Variants in OPCML observed in about 807,000 individuals in gnomAD.
OPCML encodes opioid binding protein/cell adhesion molecule like, also known as opioid-binding protein/cell adhesion molecule.
OPCML carries 13 observed loss-of-function variants against 37.8 expected under a neutral mutation model. That is an observed-to-expected ratio of 0.34 (90% CI 0.22 to 0.55). The LOEUF (loss-of-function observed/expected upper bound fraction) is 0.55. OPCML is among the 20% of genes least tolerant of loss of function. The pLI is 0.91. For missense variants in OPCML, 341 were observed against 435.6 expected, an observed-to-expected ratio of 0.78 and a Z score of 1.93; for synonymous variants, 176 against 168.8, an observed-to-expected ratio of 1.04 and a Z score of -0.33.
chr11:133,067,239 G>T (rs1338644298), intron 1 of OPCML: 1 of 152,138 alleles, frequency 6.6e-6, no homozygotes, highest in East Asian at 1.9e-4. Context: ...GAGGCTCTAG[G>T]AGATGAAGTC....
chr11:132,465,278 C>T (rs2096116105), intron 4 of OPCML, among the ~76,000 whole-genome samples: 1 of 151,990 alleles, frequency 6.6e-6, no homozygotes, highest in African/African-American at 2.4e-5. Flanking sequence ...TGAAGGCTAC[C>T]CAATTGGTCT....
At chr11:132,925,663 AGTTTCTGGGTG>A (rs1343350519) in intron 2 of OPCML, among the ~76,000 whole-genome samples, 1 of 152,216 alleles carries the variant, frequency 6.6e-6, no homozygotes, top group East Asian at 1.9e-4. Context: ...CTCCAGGGGT[AGTTTCTGGGTG>A]GTTTCTGCCC....
chr11:133,044,227 G>A (rs1055452700), intron 1 of OPCML, among the ~76,000 whole-genome samples: 3 of 152,182 alleles, frequency 2.0e-5, no homozygotes, highest in Non-Finnish European at 2.9e-5. Flanking sequence ...GCATATCCAC[G>A]TGCATCCTTC....
At chr11:133,421,450 CAAAG>C in intron 1 of OPCML, 1 of 985,194 alleles carries the variant, frequency 1.0e-6, no homozygotes, top group Non-Finnish European at 1.2e-6. Flanking sequence ...TGTTAGGGCT[CAAAG>C]AAAAAACGGA....
At position 132,790,644 on chromosome 11, in the gene OPCML, C is replaced by T. The variant is rs568460401; in HGVS notation, c.147-133325G>A. 3.9e-5 allele frequency among the ~76,000 whole-genome samples: 6 copies of T among 152,306 alleles called. No homozygotes were observed. In the East Asian group the frequency reaches 9.7e-4, roughly 25 times the overall value. ...TCTCTCAGCCATGCAGCACAGCACACGGCCTTCATTGGAACAGACTTGCAG... is the reference window on the plus strand; with the variant it reads ...TCTCTCAGCCATGCAGCACAGCACATGGCCTTCATTGGAACAGACTTGCAG... On this transcript the variant is annotated intron_variant, in intron 2 of 7. Coordinates refer to ENST00000524381, the MANE Select transcript of OPCML (RefSeq NM_001012393.5).
In OPCML at chr11:132,922,034, T is replaced by C. The variant is rs879922177; in HGVS notation, c.146+20892A>G. 1.1e-3 allele frequency among the ~76,000 whole-genome samples: 166 copies of C among 151,890 alleles called. 2 individuals carry two copies. The highest frequency in any genetic ancestry group is 6.6e-4 in the Admixed American group (10 of 15,244). ...AGCTGGGATTACAGGCACCTGCCAC[T>C]GCGCCCGGCTAATTTTTGTATTTTT... On this transcript the variant is annotated intron_variant, in intron 2 of 7. Coordinates refer to ENST00000524381, the MANE Select transcript of OPCML (RefSeq NM_001012393.5).
chr11:132,747,987 C>A (rs572360313), intron 2 of OPCML, among the ~76,000 whole-genome samples: 6 of 151,692 alleles, frequency 4.0e-5, no homozygotes, highest in Non-Finnish European at 7.4e-5. Flanking sequence ...CATCCTACAC[C>A]AAATCCTGAT....
At chr11:132,673,182 C>G (rs1942551364) in intron 2 of OPCML, among the ~76,000 whole-genome samples, 1 of 152,144 alleles carries the variant, frequency 6.6e-6, no homozygotes, top group African/African-American at 2.4e-5. Flanking sequence ...ATCGTCCTTC[C>G]TGACACAGCA....
intron 1 of OPCML, among the ~76,000 whole-genome samples, chr11:133,499,808 GTA>G (rs545945903): frequency 2.3e-5 from 3 of 133,052 alleles, no homozygotes; most frequent in African/African-American, 5.9e-5. Context: ...ATATGTGTGT[GTA>G]TATATATATA....
chr11:132,554,785 C>A (rs1238454572), intron 3 of OPCML, among the ~76,000 whole-genome samples: 1 of 150,112 alleles, frequency 6.7e-6, no homozygotes, highest in Non-Finnish European at 1.5e-5. Flanking sequence ...ATGTTATTAA[C>A]TCACAGAGCT....
At chr11:133,352,355 TG>T (rs1285636574) in intron 1 of OPCML, among the ~76,000 whole-genome samples, 6 of 152,206 alleles carry the variant, frequency 3.9e-5, no homozygotes, top group Non-Finnish European at 8.8e-5. Context: ...CTTTTGTACC[TG>T]ACCTCTTCTT....
chr11:133,429,776 C>A (rs563943538), intron 1 of OPCML, among the ~76,000 whole-genome samples: 2 of 151,832 alleles, frequency 1.3e-5, no homozygotes, highest in South Asian at 2.1e-4. Context: ...CAAAAAGCGG[C>A]CTTGGAAAGA....
At chr11:132,744,507 G>A (rs1321002904) in intron 2 of OPCML, among the ~76,000 whole-genome samples, 3 of 152,188 alleles carry the variant, frequency 2.0e-5, no homozygotes, top group Non-Finnish European at 2.9e-5. Flanking sequence ...ACCCATGCTA[G>A]CCAGGCTGCT....
intron 1 of OPCML, among the ~76,000 whole-genome samples, chr11:133,095,953 AAT>A (rs1222932980): frequency 6.6e-6 from 1 of 152,058 alleles, no homozygotes; most frequent in Non-Finnish European, 1.5e-5. Context: ...CCTTTCAAGA[AAT>A]ATTAAAGGAA....
chr11:133,046,026 G>C (rs1242622338), intron 1 of OPCML, among the ~76,000 whole-genome samples: 1 of 152,170 alleles, frequency 6.6e-6, no homozygotes, highest in African/African-American at 2.4e-5. Flanking sequence ...AGACAGCCCT[G>C]TTCTCTGCCC....
At chr11:132,434,417 CT>C (rs1277030330) in intron 7 of OPCML, among the ~76,000 whole-genome samples, 1 of 152,172 alleles carries the variant, frequency 6.6e-6, no homozygotes, top group Non-Finnish European at 1.5e-5. Flanking sequence ...GCCTCAGCGA[CT>C]GTGTAAGAGT....
intron 1 of OPCML, among the ~76,000 whole-genome samples, chr11:133,245,534 A>G (rs1183616428): frequency 6.6e-6 from 1 of 152,172 alleles, no homozygotes; most frequent in African/African-American, 2.4e-5. Context: ...CCAGGAGAGA[A>G]CAAGAATCCT....
chr11:133,462,694 G>A (rs1946884368), intron 1 of OPCML, among the ~76,000 whole-genome samples: 1 of 152,076 alleles, frequency 6.6e-6, no homozygotes, highest in African/African-American at 2.4e-5. Context: ...GTAGTGGGGA[G>A]AATGTAGAAA....
chr11:133,441,065 G>A (rs2136939170), intron 1 of OPCML, among the ~76,000 whole-genome samples: 1 of 151,670 alleles, frequency 6.6e-6, no homozygotes, highest in East Asian at 1.9e-4. Flanking sequence ...ATTAAAATAA[G>A]AAAGCTCTGT....
Sources: allele counts gnomAD v4.1 joint callset (sites outside exome capture counted in the v4.1 genomes callset), GRCh38; gene constraint gnomAD v4.1.1; transcripts MANE v1.5; gene names NCBI Gene and HGNC (gene_info 2026-07-23, HGNC 2026-07-21).